Variants in HERC2 observed in about 807,000 individuals in gnomAD.
HERC2 encodes E3 ubiquitin-protein ligase HERC2.
In HERC2, 102 loss-of-function variants were observed where a neutral mutation model predicts 537.7. That is an observed-to-expected ratio of 0.19 (90% CI 0.16 to 0.22). The LOEUF is 0.22. HERC2 is among the 10% of genes least tolerant of loss of function. The probability of loss-of-function intolerance (pLI) is 1.00; values close to 1 mark genes in which losing one functional copy is unlikely to be tolerated. For synonymous variants in HERC2, 2,224 were observed against 2,466.2 expected, an observed-to-expected ratio of 0.90 and a Z score of 2.91; for missense variants, 4,236 against 6,198.2, an observed-to-expected ratio of 0.68 and a Z score of 10.63.
At chr15:28,264,585 A>G (rs986880503) in intron 14 of HERC2, among the ~76,000 whole-genome samples, 2 of 152,216 alleles carry the variant, frequency 1.3e-5, no homozygotes, top group African/African-American at 4.8e-5. Context: ...CAAGATCTGC[A>G]CCAAAGAAAC....
chr15:28,312,116 A>G (rs2076960636), intron 2 of HERC2, among the ~76,000 whole-genome samples: 1 of 152,300 alleles, frequency 6.6e-6, no homozygotes, highest in Admixed American at 6.5e-5. Flanking sequence ...TGACCCAAAT[A>G]AATGGTAAGC....
At chr15:28,194,222 C>T (rs530108787) in intron 52 of HERC2, among the ~76,000 whole-genome samples, 216 of 150,734 alleles carry the variant, frequency 1.4e-3, no homozygotes, top group Middle Eastern at 0.011. Flanking sequence ...CCCGCCACCA[C>T]GCCCGGCTAA....
At chr15:28,272,087 C>T (rs879028172) in intron 9 of HERC2, 128 bp downstream of exon 9, 1 of 819,338 alleles carries the variant, frequency 1.2e-6, no homozygotes, top group Non-Finnish European at 1.9e-6. Context: ...TCATCTGACT[C>T]GCTGCTATTA....
chr15:28,270,878 A>C lies in HERC2; in HGVS notation c.1084-10T>G, dbSNP rs2075707592. ...GAGGGCCAGACAAAAGCTAGAAAGG[A>C]AAAGTAAACAAAAATTCAGAAATGG... is the stretch of plus-strand genomic sequence containing the variant. On this transcript the variant is annotated splice_polypyrimidine_tract_variant and intron_variant, in intron 9 of 92. Coordinates refer to ENST00000261609, the MANE Select transcript of HERC2 (RefSeq NM_004667.6). The C allele has an allele frequency of 6.2e-7, 1 of 1,610,842 alleles. No homozygotes were observed. Among genetic ancestry groups the C allele is most frequent in the African/African-American group, 1.3e-5 (1 of 74,854 alleles).
At chr15:28,269,779 A>C (rs2075667831) in intron 10 of HERC2, among the ~76,000 whole-genome samples, 2 of 152,230 alleles carry the variant, frequency 1.3e-5, no homozygotes, top group African/African-American at 4.8e-5. Flanking sequence ...GCCCACACAC[A>C]AGGCTGGGAG....
In HERC2 at chr15:28,321,366, A is replaced by G. The variant is rs1158864967; in HGVS notation, c.68T>C (p.Ile23Thr). The G allele has an allele frequency of 5.0e-6, 4 of 799,324 alleles. No homozygotes were observed. Among genetic ancestry groups the G allele is most frequent in the South Asian group, 1.4e-5 (1 of 72,566 alleles). The allele number at this position is 799,324 out of a possible 1,614,324, so 49.5% of individuals were successfully genotyped here. ...RLDSKWLKTD[I>T]QLAFTRDGLC... is the part of the protein sequence containing the mutation. ...AAAAGACATGTCAAACCCCACCTGT[A>G]TATCTGTTTTCAACCATTTGGAGTC... The change falls in exon 2 of 93, where the codon ATA (isoleucine) becomes ACA (threonine). Residue 23 changes from isoleucine (I) to threonine (T), a missense_variant. By Grantham distance (89) the Ile-to-Thr change is moderately conservative. Around this residue, in one of 27 missense-constraint regions of HERC2, gnomAD observed 13 missense variants for 43.1 expected, o/e 0.30. Coordinates refer to ENST00000261609, the MANE Select transcript of HERC2 (RefSeq NM_004667.6).
rs1226560663 is a variant in HERC2, at chr15:28,122,409, A to G, written c.13189-980T>C. ...CACAAGGGTCCCTCAGTGGAGGCTG[A>G]GCCCTTGCCCAGCTCAAAGCCTAAG... On this transcript the variant is annotated intron_variant, in intron 85 of 92. Coordinates refer to ENST00000261609, the MANE Select transcript of HERC2 (RefSeq NM_004667.6). This position sits in a 1 kb window ranked among gnomAD's most constrained non-coding sequence, Gnocchi z 4.1. Among the ~76,000 whole-genome samples the G allele has an allele frequency of 6.6e-6, 1 of 152,162 alleles. No homozygotes were observed. The highest frequency in any genetic ancestry group is 2.4e-5 in the African/African-American group (1 of 41,432).
rs532411736 is a variant in HERC2, at chr15:28,190,864, A to T, written c.8649+101T>A. ...TTAAAACAGAAAGAACCAATTATTT[A>T]AACGGGGAAAAACTGGGCTCAATGC... is the stretch of plus-strand genomic sequence containing the variant. On this transcript the variant is annotated intron_variant, in intron 55 of 92. Transcript: ENST00000261609. 41 of 763,064 alleles carry T rather than the reference A, an allele frequency of 5.4e-5. No individual in the cohort carries two copies. The African/African-American group carries it at 6.3e-4, about 12-fold the overall frequency. The allele number at this position is 763,064 out of a possible 1,614,324, so 47.3% of individuals were successfully genotyped here. A position where few individuals can be genotyped will look rare whatever the true frequency, so the allele number is the denominator to read the frequency against.
rs754548333 is a variant in HERC2, at chr15:28,256,287, G to A, written c.2548C>T (p.Pro850Ser). ...CCCAGACCTAAACCAAGGAATTCCGGGTCAACCTGGTGACTAATGGCAGCA... is the reference window on the plus strand; with the variant it reads ...CCCAGACCTAAACCAAGGAATTCCGAGTCAACCTGGTGACTAATGGCAGCA... ...LHAAISHQVD[P>S]EFLGLGLGSI... Residue 850 changes from proline (P) to serine (S), a missense_variant, in exon 18 of 93, where the codon CCG (proline) becomes TCG (serine). Around this residue, in one of 27 missense-constraint regions of HERC2, gnomAD observed 754 missense variants for 1,085.0 expected, o/e 0.69. Coordinates refer to ENST00000261609, the MANE Select transcript of HERC2 (RefSeq NM_004667.6). 2.5e-6 allele frequency: 4 copies of A among 1,596,076 alleles called. No homozygotes were observed. The highest frequency in any genetic ancestry group is 3.3e-5 in the Admixed American group (2 of 59,782).
chr15:28,248,187 C>T (rs1196960903), intron 21 of HERC2, among the ~76,000 whole-genome samples: 2 of 152,230 alleles, frequency 1.3e-5, no homozygotes, highest in South Asian at 2.1e-4. Context: ...TTCCACCCAG[C>T]TGGCTCCCCC....
At chr15:28,289,836 C>A (rs1316168670) in intron 4 of HERC2, among the ~76,000 whole-genome samples, 1 of 152,152 alleles carries the variant, frequency 6.6e-6, no homozygotes, top group African/African-American at 2.4e-5. Context: ...GGACGACACA[C>A]CTCAGTGAGA....
chr15:28,275,009 C>G lies in HERC2; in HGVS notation c.543-4G>C. Reference sequence around the variant, plus strand: ...ACCTTTGCCCGCAGGCCGGGAACTGCAGACGACACACACGGAACATACAAC... The same window carrying G: ...ACCTTTGCCCGCAGGCCGGGAACTGGAGACGACACACACGGAACATACAAC... On this transcript the variant is annotated splice_polypyrimidine_tract_variant and splice_region_variant and intron_variant, in intron 5 of 92. Coordinates refer to ENST00000261609, the MANE Select transcript of HERC2 (RefSeq NM_004667.6). 1 of 1,593,218 alleles carries G rather than the reference C, an allele frequency of 6.3e-7. No individual in the cohort carries two copies. The highest frequency in any genetic ancestry group is 1.3e-5 in the African/African-American group (1 of 74,822).
Position 28,244,335 on chromosome 15 carries a change from A to G in HERC2, c.3577+1546T>C, listed in dbSNP as rs115909976. ...GAAGCTCAGAAACCAAAAGGTACGT[A>G]CCGTCTAGTTCCACTTATATGAAGT... is the stretch of plus-strand genomic sequence containing the variant. On this transcript the variant is annotated intron_variant, in intron 23 of 92. Coordinates refer to ENST00000261609, the MANE Select transcript of HERC2 (RefSeq NM_004667.6). Among the ~76,000 whole-genome samples the G allele has an allele frequency of 4.5e-3, 678 of 152,346 alleles. 1 individual carries two copies. Among genetic ancestry groups the G allele is most frequent in the African/African-American group, 0.016 (648 of 41,570 alleles).
At chr15:28,157,692 C>T (rs1026361332) in intron 69 of HERC2, among the ~76,000 whole-genome samples, 1 of 152,180 alleles carries the variant, frequency 6.6e-6, no homozygotes, top group African/African-American at 2.4e-5. Flanking sequence ...AAAAAACCAG[C>T]TCCTGGCTTC....
At chr15:28,185,359 G>C (rs1896210967) in intron 56 of HERC2, among the ~76,000 whole-genome samples, 1 of 152,146 alleles carries the variant, frequency 6.6e-6, no homozygotes, top group South Asian at 2.1e-4. Context: ...CTTGCCTCCT[G>C]TGCCTGTCTG....
intron 4 of HERC2, among the ~76,000 whole-genome samples, chr15:28,287,719 C>CTTTTTTT (rs766216433): frequency 8.0e-5 from 10 of 124,776 alleles, no homozygotes; most frequent in South Asian, 2.5e-4. Context: ...ACTTATTCCT[C>CTTTTTTT]TTTTTTTTTT....
At chr15:28,280,593 T>A (rs573532374) in intron 4 of HERC2, among the ~76,000 whole-genome samples, 3 of 152,060 alleles carry the variant, frequency 2.0e-5, no homozygotes, top group African/African-American at 7.2e-5. Context: ...ACACTGCCTC[T>A]CTCTATGGAA....
intron 2 of HERC2, among the ~76,000 whole-genome samples, chr15:28,310,159 C>A (rs1480001109): frequency 6.6e-6 from 1 of 152,190 alleles, no homozygotes; most frequent in Non-Finnish European, 1.5e-5. Context: ...GTAAAATTAG[C>A]CAGAAAGCTG....
chr15:28,275,108 T>C, intron 5 of HERC2, 103 bp from the exon 6 acceptor site: 1 of 599,844 alleles, frequency 1.7e-6, no homozygotes, highest in South Asian at 2.6e-5. Flanking sequence ...ATCCGACCAA[T>C]GGTTTTCTTC....
Sources: allele counts gnomAD v4.1 joint callset (sites outside exome capture counted in the v4.1 genomes callset), GRCh38; gene constraint gnomAD v4.1.1; regional missense constraint gnomAD v4.1.1; non-coding constraint Gnocchi (gnomAD v3.1); transcripts MANE v1.5; gene names NCBI Gene and HGNC (gene_info 2026-07-23, HGNC 2026-07-21).